GLI3: variants seen among roughly 807,000 people sequenced by gnomAD.
GLI3 encodes GLI family zinc finger 3.
Under a neutral mutation model 100.8 loss-of-function variants are expected in GLI3, and 20 were observed. That is an observed-to-expected ratio of 0.20 (90% CI 0.14 to 0.29). GLI3 has a LOEUF of 0.29. GLI3 is among the 10% of genes least tolerant of loss of function. The probability of loss-of-function intolerance (pLI) is 1.00; values close to 1 mark genes in which losing one functional copy is unlikely to be tolerated. For synonymous variants in GLI3, 938 were observed against 860.5 expected (o/e 1.09, Z -1.58); for missense variants, 2,040 against 2,128.5 (o/e 0.96, Z 0.82).
chr7:42,211,896 C>T (rs78825851), intron 2 of GLI3, among the ~76,000 whole-genome samples: 1,638 of 152,292 alleles, frequency 0.011, 16 homozygotes, highest in Middle Eastern at 0.024. Flanking sequence ...TCCTAGAAAA[C>T]CAACAGCAAA....
intron 4 of GLI3, among the ~76,000 whole-genome samples, chr7:42,053,639 G>C (rs973891810): frequency 1.3e-5 from 2 of 152,190 alleles, no homozygotes; most frequent in Non-Finnish European, 1.5e-5. Context: ...ACACAGAAAT[G>C]AACTGAGGAT....
chr7:42,067,350 C>A (rs1307724415), intron 4 of GLI3, among the ~76,000 whole-genome samples: 1 of 152,144 alleles, frequency 6.6e-6, no homozygotes, highest in Non-Finnish European at 1.5e-5. Flanking sequence ...TTTTAGTAAA[C>A]TGGAAATGTT....
intron 1 of GLI3, among the ~76,000 whole-genome samples, chr7:42,225,034 A>C (rs1788557204): frequency 6.6e-6 from 1 of 152,248 alleles, no homozygotes; most frequent in African/African-American, 2.4e-5. Flanking sequence ...AAGAATCTGG[A>C]CAGAGAACCC....
At chr7:42,184,379 C>G (rs1787678133) in intron 2 of GLI3, among the ~76,000 whole-genome samples, 1 of 152,192 alleles carries the variant, frequency 6.6e-6, no homozygotes, top group African/African-American at 2.4e-5. Flanking sequence ...CCCTCAATCA[C>G]CAGCTATCTC....
At chr7:42,120,854 T>A (rs1785980204) in intron 3 of GLI3, among the ~76,000 whole-genome samples, 1 of 152,212 alleles carries the variant, frequency 6.6e-6, no homozygotes, top group East Asian at 1.9e-4. Flanking sequence ...ACAATTATCA[T>A]TTTCTCCCAT....
chr7:42,033,279 G>A (rs1405094919), intron 7 of GLI3, among the ~76,000 whole-genome samples: 7 of 152,130 alleles, frequency 4.6e-5, no homozygotes, highest in African/African-American at 2.4e-5. Flanking sequence ...CTGTCTACCC[G>A]CCACCTATAA....
chr7:42,255,488 CTGCCTTCAGTCTTAAGGAT>C (rs967655547), intron 1 of GLI3, among the ~76,000 whole-genome samples: 3 of 152,190 alleles, frequency 2.0e-5, no homozygotes, highest in African/African-American at 7.2e-5. Context: ...ATTCCTGCTC[CTGCCTTCAGTCTTAAGGAT>C]TGCTAATATG....
chr7:42,190,051 T>C (rs1787796018), intron 2 of GLI3, among the ~76,000 whole-genome samples: 1 of 148,980 alleles, frequency 6.7e-6, no homozygotes, highest in South Asian at 2.1e-4. Flanking sequence ...ATAGGGAAAA[T>C]GTTTAAAGGT....
At chr7:42,106,065 A>G (rs1785567218) in intron 3 of GLI3, among the ~76,000 whole-genome samples, 1 of 152,198 alleles carries the variant, frequency 6.6e-6, no homozygotes, top group Non-Finnish European at 1.5e-5. Flanking sequence ...AAAAGCCAAA[A>G]GAGGCAGGGG....
At chr7:42,112,217 C>A (rs1168164562) in intron 3 of GLI3, among the ~76,000 whole-genome samples, 1 of 152,116 alleles carries the variant, frequency 6.6e-6, no homozygotes, top group Non-Finnish European at 1.5e-5. Context: ...TATCTGGGCC[C>A]CAGAAGACTG....
intron 4 of GLI3, among the ~76,000 whole-genome samples, chr7:42,057,271 G>A (rs1461103457): frequency 6.6e-6 from 1 of 152,152 alleles, no homozygotes; most frequent in African/African-American, 2.4e-5. Flanking sequence ...ATAGTGCAGT[G>A]CAAATTAAAA....
intron 1 of GLI3, among the ~76,000 whole-genome samples, chr7:42,236,320 T>C (rs1471288379): frequency 6.6e-6 from 1 of 152,206 alleles, no homozygotes; most frequent in Non-Finnish European, 1.5e-5. Context: ...TTTGTGTGTC[T>C]GTGCGCGCTG....
intron 4 of GLI3, among the ~76,000 whole-genome samples, chr7:42,058,879 CA>C (rs1456718166): frequency 6.6e-6 from 1 of 152,172 alleles, no homozygotes; most frequent in Non-Finnish European, 1.5e-5. Context: ...AAATATAACT[CA>C]TTAATAAATT....
intron 10 of GLI3, among the ~76,000 whole-genome samples, chr7:42,018,606 T>C (rs1313707996): frequency 2.6e-5 from 4 of 152,204 alleles, no homozygotes; most frequent in Non-Finnish European, 4.4e-5. Flanking sequence ...TATCTAAATC[T>C]CTATATTAAA....
intron 2 of GLI3, among the ~76,000 whole-genome samples, chr7:42,176,814 C>A (rs1338643090): frequency 6.6e-6 from 1 of 152,186 alleles, no homozygotes; most frequent in Non-Finnish European, 1.5e-5. Flanking sequence ...CCTGAGGGTC[C>A]TGGGAAACCA....
intron 3 of GLI3, among the ~76,000 whole-genome samples, chr7:42,135,204 TGTGG>T (rs1786397166): frequency 6.6e-6 from 1 of 152,232 alleles, no homozygotes; most frequent in Non-Finnish European, 1.5e-5. Context: ...TTCTACTGTG[TGTGG>T]AGCTCAATTA....
chr7:42,148,135 G>GCGCACA (rs1554333868), intron 3 of GLI3, 91 bp downstream of exon 3: 29 of 867,548 alleles, frequency 3.3e-5, no homozygotes, highest in South Asian at 2.2e-4. Flanking sequence ...CATAAAGCGC[G>GCGCACA]CACACACACA....
intron 3 of GLI3, among the ~76,000 whole-genome samples, chr7:42,137,856 G>A (rs192841334): frequency 1.3e-5 from 2 of 152,328 alleles, no homozygotes; most frequent in African/African-American, 2.4e-5. Flanking sequence ...TTAAGACTGT[G>A]TGGAAAAGGT....
intron 1 of GLI3, among the ~76,000 whole-genome samples, chr7:42,257,993 G>A (rs1231686183): frequency 6.6e-6 from 1 of 152,064 alleles, no homozygotes; most frequent in Non-Finnish European, 1.5e-5. Context: ...GAGGAATATT[G>A]AACTATATAG....
Sources: gnomAD v4.1 joint callset for allele counts (sites outside exome capture counted in the v4.1 genomes callset) on GRCh38, gnomAD v4.1.1 for gene constraint, MANE v1.5 for transcripts, NCBI Gene and HGNC (gene_info 2026-07-23, HGNC 2026-07-21) for gene names.